The following GALNTL6 variants were observed in gnomAD, a reference collection of about 807,000 sequenced individuals.
GALNTL6 encodes the protein polypeptide N-acetylgalactosaminyltransferase-like 6.
A neutral mutation model predicts 73.7 loss-of-function variants in GALNTL6; 46 were observed. That is an observed-to-expected ratio of 0.62 (90% CI 0.49 to 0.80). GALNTL6 has a LOEUF of 0.80. Ranked by LOEUF, GALNTL6 falls within the 30% of genes least tolerant of loss-of-function variation. The pLI is 0.00. For synonymous variants in GALNTL6, 259 were observed against 263.7 expected, an observed-to-expected ratio of 0.98 and a Z score of 0.17; for missense variants, 604 against 755.0, an observed-to-expected ratio of 0.80 and a Z score of 2.34.
At chr4:172,073,545 T>C (rs1226156688) in intron 2 of GALNTL6, among the ~76,000 whole-genome samples, 1 of 152,194 alleles carries the variant, frequency 6.6e-6, no homozygotes, top group Non-Finnish European at 1.5e-5. Context: ...AAAACATTCA[T>C]GGGTCAACAG....
At chr4:172,839,882 C>A (rs954717366) in intron 7 of GALNTL6, among the ~76,000 whole-genome samples, 1 of 152,126 alleles carries the variant, frequency 6.6e-6, no homozygotes, top group Non-Finnish European at 1.5e-5. Context: ...AGCAAAGATT[C>A]TTTTTATGTG....
chr4:172,630,369 A>G (rs1048053169), intron 5 of GALNTL6, among the ~76,000 whole-genome samples: 8 of 152,194 alleles, frequency 5.3e-5, no homozygotes, highest in Non-Finnish European at 4.4e-5. Context: ...GGACATTAAT[A>G]TACATTTTAT....
intron 5 of GALNTL6, among the ~76,000 whole-genome samples, chr4:172,639,406 C>T (rs1205724845): frequency 1.3e-5 from 2 of 152,084 alleles, no homozygotes; most frequent in Non-Finnish European, 2.9e-5. Context: ...ATCCTCAACT[C>T]ATTTTCTCTT....
chr4:172,272,120 T>C (rs994737519), intron 3 of GALNTL6, among the ~76,000 whole-genome samples: 8 of 151,886 alleles, frequency 5.3e-5, no homozygotes, highest in African/African-American at 1.5e-4. Flanking sequence ...GCCCAGATAA[T>C]TTTTTTGTAT....
intron 2 of GALNTL6, among the ~76,000 whole-genome samples, chr4:172,030,112 T>C (rs1025699898): frequency 6.6e-6 from 1 of 152,064 alleles, no homozygotes; most frequent in African/African-American, 2.4e-5. Context: ...ACTAAGCAAA[T>C]ATGAGAAACA....
intron 2 of GALNTL6, among the ~76,000 whole-genome samples, chr4:172,180,411 G>A (rs1391427582): frequency 4.0e-5 from 6 of 151,602 alleles, no homozygotes; most frequent in Non-Finnish European, 8.8e-5. Context: ...GTTCATTCTG[G>A]TGATAGTTTT....
chr4:172,555,300 A>G (rs1264325244), intron 5 of GALNTL6, among the ~76,000 whole-genome samples: 4 of 152,178 alleles, frequency 2.6e-5, no homozygotes, highest in Admixed American at 6.5e-5. Flanking sequence ...TCTTGTATCT[A>G]TACATCTGGA....
intron 5 of GALNTL6, among the ~76,000 whole-genome samples, chr4:172,628,237 T>C (rs983671873): frequency 2.0e-5 from 3 of 152,164 alleles, no homozygotes; most frequent in Non-Finnish European, 1.5e-5. Flanking sequence ...TTCTTTTATA[T>C]GTACATTTTC....
intron 2 of GALNTL6, among the ~76,000 whole-genome samples, chr4:172,117,761 C>A (rs1258573835): frequency 1.3e-5 from 2 of 152,058 alleles, no homozygotes; most frequent in Admixed American, 1.3e-4. Flanking sequence ...ATGAATGAAT[C>A]TCAACAACAT....
intron 5 of GALNTL6, among the ~76,000 whole-genome samples, chr4:172,465,041 TCGGCTGA>T (rs1732756845): frequency 6.6e-6 from 1 of 152,214 alleles, no homozygotes; most frequent in African/African-American, 2.4e-5. Flanking sequence ...TTTTATTTCC[TCGGCTGA>T]GGTTCTTTGG....
At chr4:173,015,962 C>A (rs1752766094) in intron 11 of GALNTL6, among the ~76,000 whole-genome samples, 1 of 152,210 alleles carries the variant, frequency 6.6e-6, no homozygotes, top group Non-Finnish European at 1.5e-5. Flanking sequence ...GGACACGGTG[C>A]CGTGTCCCAG....
chr4:171,969,490 G>C (rs938304441), intron 2 of GALNTL6, among the ~76,000 whole-genome samples: 1 of 152,180 alleles, frequency 6.6e-6, no homozygotes, highest in African/African-American at 2.4e-5. Context: ...AAATGGCATA[G>C]GAGGTATTTC....
At chr4:172,894,954 GTT>G (rs34952191) in intron 8 of GALNTL6, among the ~76,000 whole-genome samples, 3 of 142,606 alleles carry the variant, frequency 2.1e-5, no homozygotes, top group Admixed American at 7.0e-5. Context: ...TTTTTTTACA[GTT>G]TTTTTTTTTT....
intron 2 of GALNTL6, among the ~76,000 whole-genome samples, chr4:172,008,213 T>G (rs932769813): frequency 6.6e-6 from 1 of 152,204 alleles, no homozygotes; most frequent in African/African-American, 2.4e-5. Context: ...AATTTTCTAA[T>G]GCAACCTAAA....
chr4:172,994,946 T>G (rs1416917586), intron 10 of GALNTL6, among the ~76,000 whole-genome samples: 1 of 152,230 alleles, frequency 6.6e-6, no homozygotes, highest in Non-Finnish European at 1.5e-5. Context: ...CTGCTCACAT[T>G]TCAACCATCT....
chr4:172,336,607 T>C (rs1281065664), intron 4 of GALNTL6, among the ~76,000 whole-genome samples: 1 of 151,886 alleles, frequency 6.6e-6, no homozygotes, highest in African/African-American at 2.4e-5. Context: ...GGTCCAAAGG[T>C]ATGGTTGGTA....
chr4:172,732,381 A>G (rs62330816), intron 5 of GALNTL6, among the ~76,000 whole-genome samples: 22,565 of 152,026 alleles, frequency 0.15, 1,937 homozygotes, highest in East Asian at 0.26. Flanking sequence ...TTCCAGTTGC[A>G]CAGAATACCT....
chr4:172,539,089 T>C (rs1735454747), intron 5 of GALNTL6, among the ~76,000 whole-genome samples: 1 of 152,178 alleles, frequency 6.6e-6, no homozygotes, highest in Admixed American at 6.5e-5. Context: ...TTTTTCCTAG[T>C]TGGAGAATCT....
chr4:172,221,023 A>T (rs1736656810), intron 2 of GALNTL6, among the ~76,000 whole-genome samples: 1 of 151,852 alleles, frequency 6.6e-6, no homozygotes, highest in Admixed American at 6.6e-5. Flanking sequence ...TGCTAATTTT[A>T]TATACTCAGT....
Sources: allele counts gnomAD v4.1 joint callset (sites outside exome capture counted in the v4.1 genomes callset), GRCh38; gene constraint gnomAD v4.1.1; transcripts MANE v1.5; gene names NCBI Gene and HGNC (gene_info 2026-07-23, HGNC 2026-07-21).